The following PAFAH1B1 variants were observed in gnomAD, a reference collection of about 807,000 sequenced individuals.
The protein encoded by PAFAH1B1 is platelet-activating factor acetylhydrolase IB subunit beta.
A neutral mutation model predicts 57.5 loss-of-function variants in PAFAH1B1; 2 were observed. The ratio of observed to expected loss-of-function variants is 0.03; its 90% CI spans 0.01 to 0.11. PAFAH1B1 has a LOEUF of 0.11. Among genes scored for constraint, PAFAH1B1 ranks in the 10% least tolerant of loss-of-function variants. The pLI, the probability that PAFAH1B1 is intolerant of heterozygous loss-of-function variation, is 1.00. For synonymous variants in PAFAH1B1, 152 were observed against 169.6 expected, an observed-to-expected ratio of 0.90 and a Z score of 0.81; for missense variants, 257 against 512.0, an observed-to-expected ratio of 0.50 and a Z score of 4.81.
chr17:2,678,605 T>C (rs535522048), intron 9 of PAFAH1B1, among the ~76,000 whole-genome samples: 9 of 151,694 alleles, frequency 5.9e-5, no homozygotes, highest in African/African-American at 2.2e-4. Context: ...AACATACTCT[T>C]GGCCAGGCAC....
At chr17:2,632,814 C>A (rs2151630545) in intron 1 of PAFAH1B1, among the ~76,000 whole-genome samples, 1 of 152,136 alleles carries the variant, frequency 6.6e-6, no homozygotes, top group East Asian at 1.9e-4. Context: ...CATTTTTTAT[C>A]AGGGATATGA....
rs397716228 is a variant in PAFAH1B1, at chr17:2,648,761, T to TTA, written c.32+10441_32+10442insTA. Among the ~76,000 whole-genome samples the TTA allele has an allele frequency of 1.3e-3, 192 of 147,776 alleles. 1 individual carries two copies. The highest frequency in any genetic ancestry group is 3.2e-3 in the Admixed American group (47 of 14,778). ...ATTTTTAATACCCATTCCTGATGGT[T>TTA]AAAAAAAAAAAACCCTGTAGAAAAT... On this transcript the variant is annotated intron_variant, in intron 2 of 10. Coordinates refer to ENST00000397195, the MANE Select transcript of PAFAH1B1 (RefSeq NM_000430.4).
At chr17:2,625,531 GA>G (rs1216614756) in intron 1 of PAFAH1B1, among the ~76,000 whole-genome samples, 1 of 152,190 alleles carries the variant, frequency 6.6e-6, no homozygotes, top group Non-Finnish European at 1.5e-5. Flanking sequence ...CAGGTAGTAT[GA>G]AAATATTGCC....
intron 7 of PAFAH1B1, 169 bp from the exon 8 acceptor site, chr17:2,673,891 G>T: frequency 1.6e-6 from 1 of 617,790 alleles, no homozygotes; most frequent in African/African-American, 1.8e-5. Flanking sequence ...TGATATGTCT[G>T]TTAGCTTATT....
chr17:2,619,534 C>CTGTTTTCTTT (rs1555521963), intron 1 of PAFAH1B1, among the ~76,000 whole-genome samples: 1 of 149,190 alleles, frequency 6.7e-6, no homozygotes, highest in Non-Finnish European at 1.5e-5. Context: ...TGGCCCTTAC[C>CTGTTTTCTTT]TGTTTTTTTT....
chr17:2,680,700 A>G (rs904998581), intron 10 of PAFAH1B1: 6 of 282,906 alleles, frequency 2.1e-5, no homozygotes, highest in Admixed American at 1.5e-4. Flanking sequence ...AAACTCAGAA[A>G]ATTGTATTTG....
intron 9 of PAFAH1B1, 112 bp downstream of exon 9, chr17:2,676,718 C>G: frequency 1.3e-6 from 1 of 748,940 alleles, no homozygotes; most frequent in East Asian, 2.6e-5. Context: ...TTTAAAATAA[C>G]TTCTTTATAA....
intron 1 of PAFAH1B1, among the ~76,000 whole-genome samples, chr17:2,617,000 G>A (rs924045738): frequency 2.0e-5 from 3 of 152,068 alleles, no homozygotes; most frequent in Non-Finnish European, 4.4e-5. Flanking sequence ...GTGAACCCGG[G>A]AGGCAGAGGT....
At chr17:2,658,917 G>T (rs1225384105) in intron 2 of PAFAH1B1, among the ~76,000 whole-genome samples, 1 of 152,130 alleles carries the variant, frequency 6.6e-6, no homozygotes, top group Non-Finnish European at 1.5e-5. Context: ...CATCTGTGCT[G>T]CCCTTTCCCT....
chr17:2,661,302 A>AG, intron 2 of PAFAH1B1, among the ~76,000 whole-genome samples: 1 of 152,162 alleles, frequency 6.6e-6, no homozygotes, highest in East Asian at 1.9e-4. Flanking sequence ...TGGGTTTTAC[A>AG]TGTAAGTCTT....
chr17:2,659,199 C>T (rs968644230), intron 2 of PAFAH1B1, among the ~76,000 whole-genome samples: 11 of 149,890 alleles, frequency 7.3e-5, no homozygotes, highest in Admixed American at 6.7e-5. Context: ...TGCAGTGAGC[C>T]GAGATTGCCA....
chr17:2,667,621 A>G, intron 5 of PAFAH1B1: 1 of 224,042 alleles, frequency 4.5e-6, no homozygotes, highest in Non-Finnish European at 9.1e-6. Flanking sequence ...CTTACCTTTA[A>G]ACGGAGGTTA....
At chr17:2,596,522 C>T (rs1008036614) in intron 1 of PAFAH1B1, among the ~76,000 whole-genome samples, 4 of 152,086 alleles carry the variant, frequency 2.6e-5, no homozygotes, top group African/African-American at 9.7e-5. Flanking sequence ...TTTTAATGCC[C>T]TGTATCAAGC....
Position 2,665,997 on chromosome 17 carries a change from C to A in PAFAH1B1, c.118-19C>A. On this transcript the variant is annotated intron_variant, in intron 3 of 10. Transcript: ENST00000397195. ...ATAGTTAAGCCATTTTTTAAAAATTCTAAATTTATTTTCTCTAGAATGAAG... is the reference window on the plus strand; with the variant it reads ...ATAGTTAAGCCATTTTTTAAAAATTATAAATTTATTTTCTCTAGAATGAAG... The A allele has an allele frequency of 6.8e-7, 1 of 1,464,250 alleles. No individual in the cohort carries two copies. Among genetic ancestry groups the A allele is most frequent in the Admixed American group, 2.0e-5 (1 of 49,422 alleles). 90.7% of individuals were successfully genotyped at this position (1,464,250 alleles called of 1,614,324 possible).
At chr17:2,668,719 T>G (rs985392208) in intron 5 of PAFAH1B1, among the ~76,000 whole-genome samples, 1 of 151,442 alleles carries the variant, frequency 6.6e-6, no homozygotes, top group Non-Finnish European at 1.5e-5. Flanking sequence ...CTCATGCCTG[T>G]AATCCCAGCA....
chr17:2,625,182 TAA>T (rs1328753535), intron 1 of PAFAH1B1, among the ~76,000 whole-genome samples: 1 of 152,234 alleles, frequency 6.6e-6, no homozygotes, highest in East Asian at 1.9e-4. Flanking sequence ...AAAAGCATAC[TAA>T]AGCCTCTGTT....
At chr17:2,676,880 C>T (rs1206960669) in intron 9 of PAFAH1B1, among the ~76,000 whole-genome samples, 2 of 151,932 alleles carry the variant, frequency 1.3e-5, no homozygotes, top group African/African-American at 4.8e-5. Flanking sequence ...TGTAATATCT[C>T]GGCCGGGCGC....
chr17:2,667,530 G>T, intron 5 of PAFAH1B1: 1 of 327,620 alleles, frequency 3.1e-6, no homozygotes, highest in Admixed American at 4.4e-5. Context: ...TGAGAAAGTC[G>T]GGTGTCACTA....
At chr17:2,664,329 A>G (rs1168148901) in intron 2 of PAFAH1B1, among the ~76,000 whole-genome samples, 1 of 149,776 alleles carries the variant, frequency 6.7e-6, no homozygotes, top group Non-Finnish European at 1.5e-5. Context: ...CACAGCCTCC[A>G]CCTCCCAGGT....
Sources: gnomAD v4.1 joint callset for allele counts (sites outside exome capture counted in the v4.1 genomes callset) on GRCh38, gnomAD v4.1.1 for gene constraint, MANE v1.5 for transcripts, NCBI Gene and HGNC (gene_info 2026-07-23, HGNC 2026-07-21) for gene names.